The following SPATA12 variants were observed in gnomAD, a reference collection of about 807,000 sequenced individuals.
SPATA12 encodes the protein spermatogenesis associated 12.
For synonymous variants in SPATA12, 85 were observed against 89.2 expected, an observed-to-expected ratio of 0.95 and a Z score of 0.26; for missense variants, 219 against 226.4, an observed-to-expected ratio of 0.97 and a Z score of 0.21.
chr3:57,068,194 G>T (rs1160549796), intron 1 of SPATA12, among the ~76,000 whole-genome samples: 3 of 138,592 alleles, frequency 2.2e-5, no homozygotes, highest in Non-Finnish European at 3.1e-5. Context: ...CACACACCAG[G>T]TTACCAGGTT....
At chr3:57,072,058 G>C (rs1705937133) in intron 1 of SPATA12, among the ~76,000 whole-genome samples, 1 of 152,094 alleles carries the variant, frequency 6.6e-6, no homozygotes, top group East Asian at 1.9e-4. Flanking sequence ...GCAAATCAAA[G>C]TCACAATGAG....
In SPATA12 at chr3:57,060,727, TCCTGCAGCGTCAGATCCCAG is replaced by T. The variant is rs1560169633; in HGVS notation, c.-381_-362del. The T allele has an allele frequency of 6.6e-6, 1 of 152,144 alleles. No homozygotes were observed. Among genetic ancestry groups the T allele is most frequent in the African/African-American group, 2.4e-5 (1 of 41,396 alleles). The allele number at this position is 152,144 out of a possible 1,614,324, so 9.4% of individuals were successfully genotyped here. A position where few individuals can be genotyped will look rare whatever the true frequency, so the allele number is the denominator to read the frequency against. On this transcript the variant is annotated 5_prime_UTR_variant, in exon 1 of 2. Coordinates refer to ENST00000334325, the MANE Select transcript of SPATA12 (RefSeq NM_181727.2). Reference sequence around the variant, plus strand: ...CCCTCATCTCCCCCACTCTTCCTGATCCTGCAGCGTCAGATCCCAGCCTGCAGTATCAGACCTCAAAAGGA... The same window carrying T: ...CCCTCATCTCCCCCACTCTTCCTGATCCTGCAGTATCAGACCTCAAAAGGA...
At chr3:57,062,254 C>T (rs1027535353) in intron 1 of SPATA12, among the ~76,000 whole-genome samples, 3 of 152,348 alleles carry the variant, frequency 2.0e-5, no homozygotes, top group South Asian at 4.1e-4. Flanking sequence ...ACTGCTCTAG[C>T]GCTGGGTGAG....
chr3:57,072,817 C>T (rs1021840079), intron 1 of SPATA12, among the ~76,000 whole-genome samples: 5 of 151,690 alleles, frequency 3.3e-5, no homozygotes, highest in Non-Finnish European at 7.4e-5. Context: ...GAGGCCAAGG[C>T]GGGTGGATCA....
Position 57,073,879 on chromosome 3 carries a change from G to C in SPATA12, c.185G>C (p.Gly62Ala). 5 of 1,614,204 alleles carry C rather than the reference G, an allele frequency of 3.1e-6. No individual in the cohort carries two copies. Among genetic ancestry groups the C allele is most frequent in the Non-Finnish European group, 4.2e-6 (5 of 1,180,040 alleles). Reference protein sequence around the residue: ...ASCQGPGVLPGAASALPELTF... With the variant: ...ASCQGPGVLPAAASALPELTF... ...TGCCAGGGTCCAGGTGTCCTGCCAGGAGCAGCCTCTGCCCTCCCAGAGCTG... is the reference window on the plus strand; with the variant it reads ...TGCCAGGGTCCAGGTGTCCTGCCAGCAGCAGCCTCTGCCCTCCCAGAGCTG... The change falls in exon 2 of 2, where the codon GGA (glycine) becomes GCA (alanine). Residue 62 changes from glycine to alanine, a missense_variant. Coordinates refer to ENST00000334325, the MANE Select transcript of SPATA12 (RefSeq NM_181727.2).
At chr3:57,065,287 C>T (rs970893829) in intron 1 of SPATA12, among the ~76,000 whole-genome samples, 5 of 152,100 alleles carry the variant, frequency 3.3e-5, no homozygotes, top group African/African-American at 9.7e-5. Context: ...CATGGTGAAA[C>T]CCTATCTCTA....
intron 1 of SPATA12, among the ~76,000 whole-genome samples, chr3:57,063,147 A>G (rs1402527755): frequency 6.6e-6 from 1 of 152,194 alleles, no homozygotes. Flanking sequence ...GGCAGCGGGA[A>G]TAGCAGGTGC....
intron 1 of SPATA12, among the ~76,000 whole-genome samples, chr3:57,064,283 C>A (rs1356710538): frequency 2.6e-5 from 4 of 152,050 alleles, no homozygotes; most frequent in African/African-American, 4.8e-5. Flanking sequence ...AAACAGAAAA[C>A]CAAAAACCAA....
At chr3:57,072,227 AAG>A (rs1289532308) in intron 1 of SPATA12, among the ~76,000 whole-genome samples, 1 of 152,206 alleles carries the variant, frequency 6.6e-6, no homozygotes, top group Admixed American at 6.5e-5. Flanking sequence ...TCAAAATGTT[AAG>A]AGTTACCATA....
intron 1 of SPATA12, among the ~76,000 whole-genome samples, chr3:57,069,544 C>T (rs1005062823): frequency 6.6e-6 from 1 of 152,154 alleles, no homozygotes; most frequent in African/African-American, 2.4e-5. Context: ...AATATAGGCA[C>T]TCCATTTTTT....
At chr3:57,072,603 G>C (rs529402525) in intron 1 of SPATA12, among the ~76,000 whole-genome samples, 1 of 151,612 alleles carries the variant, frequency 6.6e-6, no homozygotes, top group Non-Finnish European at 1.5e-5. Flanking sequence ...TTAGCCAGGC[G>C]TGGTGGCACA....
chr3:57,067,807 G>A (rs1352349107), intron 1 of SPATA12, among the ~76,000 whole-genome samples: 1 of 145,094 alleles, frequency 6.9e-6, no homozygotes, highest in Admixed American at 7.1e-5. Flanking sequence ...GTGAAACCCC[G>A]TCTCTACTAA....
intron 1 of SPATA12, among the ~76,000 whole-genome samples, chr3:57,061,634 A>G (rs557402088): frequency 5.7e-4 from 86 of 152,202 alleles, no homozygotes; most frequent in African/African-American, 2.0e-3. Flanking sequence ...CTCTGCTTTC[A>G]TTTCTTTGGG....
intron 1 of SPATA12, among the ~76,000 whole-genome samples, chr3:57,071,485 C>A (rs991453044): frequency 1.3e-5 from 2 of 152,076 alleles, no homozygotes; most frequent in East Asian, 1.9e-4. Context: ...CATGGTGAAA[C>A]CCCGTCTCTA....
chr3:57,068,170 C>CAA (rs1705673523), intron 1 of SPATA12, among the ~76,000 whole-genome samples: 1 of 142,362 alleles, frequency 7.0e-6, no homozygotes, highest in African/African-American at 2.5e-5. Flanking sequence ...CACACACATA[C>CAA]ACACACACAC....
chr3:57,061,965 TA>T (rs1705244417), intron 1 of SPATA12, among the ~76,000 whole-genome samples: 1 of 152,210 alleles, frequency 6.6e-6, no homozygotes, highest in Admixed American at 6.5e-5. Flanking sequence ...CTGCTCTGCC[TA>T]CAAGCATTTT....
chr3:57,068,746 T>C (rs1333840430), intron 1 of SPATA12, among the ~76,000 whole-genome samples: 1 of 152,136 alleles, frequency 6.6e-6, no homozygotes. Flanking sequence ...AAACCTCAAC[T>C]GTGTAACGTG....
At chr3:57,066,510 G>A (rs1240777744) in intron 1 of SPATA12, among the ~76,000 whole-genome samples, 8 of 152,254 alleles carry the variant, frequency 5.3e-5, no homozygotes, top group African/African-American at 1.4e-4. Context: ...TGATCCATCC[G>A]CCTCGGCCTC....
chr3:57,067,771 G>C (rs1337690338), intron 1 of SPATA12, among the ~76,000 whole-genome samples: 2 of 150,958 alleles, frequency 1.3e-5, no homozygotes, highest in African/African-American at 4.9e-5. Flanking sequence ...CATGAGGTCA[G>C]GAGATCGAGA....
Sources: allele counts gnomAD v4.1 joint callset (sites outside exome capture counted in the v4.1 genomes callset), GRCh38; gene constraint gnomAD v4.1.1; transcripts MANE v1.5; gene names NCBI Gene and HGNC (gene_info 2026-07-23, HGNC 2026-07-21).